Variants in XPOT observed in about 807,000 individuals in gnomAD.
The protein encoded by XPOT is exportin-T.
Under a neutral mutation model 128.2 loss-of-function variants are expected in XPOT, and 34 were observed. The ratio of observed to expected loss-of-function variants is 0.27; its 90% CI spans 0.20 to 0.35. XPOT has a LOEUF of 0.35. Ranked by LOEUF, XPOT falls within the 10% of genes least tolerant of loss-of-function variation. XPOT has a pLI of 1.00. For synonymous variants in XPOT, 348 were observed against 394.3 expected (o/e 0.88, Z 1.39); for missense variants, 838 against 1,125.3 (o/e 0.74, Z 3.65).
In XPOT at chr12:64,404,727, C is replaced by G. The variant is rs1021150537; in HGVS notation, c.-152C>G. On this transcript the variant is annotated 5_prime_UTR_variant, in exon 1 of 25. Transcript: ENST00000332707. ...GGACGAGGGCCGCTCTCCCAGCTCT[C>G]TGCGTGCCGCGCCGCTCCGCTCCGC... The G allele has an allele frequency of 6.6e-6, 1 of 152,642 alleles. No homozygotes were observed. The highest frequency in any genetic ancestry group is 2.1e-4 in the South Asian group (1 of 4,830). 9.5% of individuals were successfully genotyped at this position (152,642 alleles called of 1,614,324 possible).
chr12:64,425,652 C>T lies in XPOT; in HGVS notation c.1573-163C>T, dbSNP rs1176255253. The T allele has an allele frequency of 5.3e-6, 5 of 942,862 alleles. No individual in the cohort carries two copies. The South Asian group carries it at 8.0e-5, about 15-fold the overall frequency. 58.4% of individuals were successfully genotyped at this position (942,862 alleles called of 1,614,324 possible). A position where few individuals can be genotyped will look rare whatever the true frequency, so the allele number is the denominator to read the frequency against. ...CCCAATTAGTCAACTAAAACAAGTT[C>T]TCAAGGGACTGTTTGTGTGTAGTTT... is the stretch of plus-strand genomic sequence containing the variant. On this transcript the variant is annotated intron_variant, in intron 14 of 24. Coordinates refer to ENST00000332707, the MANE Select transcript of XPOT (RefSeq NM_007235.6).
chr12:64,424,423 ATTT>A (rs1232200899), intron 11 of XPOT, among the ~76,000 whole-genome samples, 173 bp from the exon 12 acceptor site: 1 of 152,202 alleles, frequency 6.6e-6, no homozygotes, highest in South Asian at 2.1e-4. Context: ...AGAACTGGAT[ATTT>A]ACATGAATTT....
chr12:64,414,810 T>C, intron 2 of XPOT, 97 bp from the exon 3 acceptor site: 1 of 696,416 alleles, frequency 1.4e-6, no homozygotes, highest in East Asian at 2.5e-5. Flanking sequence ...TTTACTGATT[T>C]GTTATAGGTT....
At chr12:64,435,404 A>G (rs1204736956) in intron 21 of XPOT, among the ~76,000 whole-genome samples, 2 of 152,226 alleles carry the variant, frequency 1.3e-5, no homozygotes, top group Non-Finnish European at 2.9e-5. Context: ...TTACTACGTT[A>G]AAACAACAGT....
intron 23 of XPOT, among the ~76,000 whole-genome samples, chr12:64,443,766 T>C (rs922033767): frequency 6.6e-6 from 1 of 152,216 alleles, no homozygotes; most frequent in African/African-American, 2.4e-5. Flanking sequence ...CAATGGTGTT[T>C]TTTTGAAGTT....
At chr12:64,437,744 C>T (rs1592339088) in intron 22 of XPOT, among the ~76,000 whole-genome samples, 1 of 152,214 alleles carries the variant, frequency 6.6e-6, no homozygotes, top group East Asian at 1.9e-4. Flanking sequence ...AAAGTAAAGC[C>T]ATAGGAATGA....
chr12:64,431,460 T>G (rs916339258), intron 17 of XPOT, 78 bp from the exon 18 acceptor site: 7 of 1,409,408 alleles, frequency 5.0e-6, no homozygotes, highest in Non-Finnish European at 6.8e-6. Context: ...TGTAATTTGT[T>G]GTGCATTGCT....
intron 22 of XPOT, among the ~76,000 whole-genome samples, chr12:64,436,303 T>A (rs1379026749): frequency 2.0e-5 from 3 of 152,050 alleles, no homozygotes; most frequent in Non-Finnish European, 4.4e-5. Context: ...TCACTCAGGT[T>A]GGAATGCAGT....
chr12:64,446,415 T>C (rs941972593), intron 24 of XPOT, among the ~76,000 whole-genome samples: 2 of 152,236 alleles, frequency 1.3e-5, no homozygotes, highest in African/African-American at 2.4e-5. Flanking sequence ...CACATCTGAT[T>C]GATCCTCAGA....
intron 1 of XPOT, among the ~76,000 whole-genome samples, chr12:64,408,399 C>T (rs1006627690): frequency 1.3e-5 from 2 of 152,116 alleles, no homozygotes; most frequent in Non-Finnish European, 2.9e-5. Flanking sequence ...TGAGCCAGCA[C>T]GCCTGGCCCC....
At chr12:64,415,028 T>C (rs1283729912) in intron 3 of XPOT, 39 bp downstream of exon 3, 4 of 1,275,934 alleles carry the variant, frequency 3.1e-6, no homozygotes, top group Non-Finnish European at 1.1e-6. Flanking sequence ...TTTAAATTTC[T>C]GTGGACATGA....
At chr12:64,422,035 C>T (rs1263094756) in intron 9 of XPOT, among the ~76,000 whole-genome samples, 1 of 152,156 alleles carries the variant, frequency 6.6e-6, no homozygotes, top group African/African-American at 2.4e-5. Context: ...GTCTTGAACT[C>T]CCTACCTCAG....
chr12:64,414,301 C>G (rs927401275), intron 2 of XPOT, among the ~76,000 whole-genome samples: 1 of 152,194 alleles, frequency 6.6e-6, no homozygotes, highest in Non-Finnish European at 1.5e-5. Flanking sequence ...TAAAAAACTT[C>G]CTCGAGCTTT....
chr12:64,444,422 G>A (rs1344389090), intron 23 of XPOT, among the ~76,000 whole-genome samples: 1 of 152,170 alleles, frequency 6.6e-6, no homozygotes, highest in Non-Finnish European at 1.5e-5. Context: ...TCCTTTGACA[G>A]ATAAATGGAT....
chr12:64,408,111 CTT>C (rs1209867366), intron 1 of XPOT, among the ~76,000 whole-genome samples: 2 of 151,994 alleles, frequency 1.3e-5, no homozygotes, highest in Non-Finnish European at 2.9e-5. Context: ...GCCCCACAGC[CTT>C]TTTTTGTTTT....
intron 12 of XPOT, 133 bp downstream of exon 12, chr12:64,424,856 T>C: frequency 7.4e-7 from 1 of 1,355,118 alleles, no homozygotes; most frequent in Non-Finnish European, 1.0e-6. Flanking sequence ...CTGGAAACAA[T>C]GCACTTGTCT....
chr12:64,414,870 T>TA (rs1322858702), intron 2 of XPOT, 37 bp from the exon 3 acceptor site: 1 of 1,318,734 alleles, frequency 7.6e-7, no homozygotes, highest in African/African-American at 1.4e-5. Flanking sequence ...TGAGATTGTT[T>TA]ATTCTAAATG....
intron 15 of XPOT, among the ~76,000 whole-genome samples, chr12:64,426,843 G>GC (rs2040196966): frequency 6.6e-6 from 1 of 152,070 alleles, no homozygotes; most frequent in South Asian, 2.1e-4. Flanking sequence ...AATTAGCCGG[G>GC]CATGGTGGTG....
At chr12:64,445,010 C>G in intron 23 of XPOT, 65 bp from the exon 24 acceptor site, 1 of 1,293,814 alleles carries the variant, frequency 7.7e-7, no homozygotes. Context: ...AAACTGGATA[C>G]GAATTACAAT....
Sources: gnomAD v4.1 joint callset for allele counts (sites outside exome capture counted in the v4.1 genomes callset) on GRCh38, gnomAD v4.1.1 for gene constraint, MANE v1.5 for transcripts, NCBI Gene and HGNC (gene_info 2026-07-23, HGNC 2026-07-21) for gene names.